RBM26: variants seen among roughly 807,000 people sequenced by gnomAD.
The protein encoded by RBM26 is RNA binding motif protein 26, also known as RNA-binding protein 26.
Under a neutral mutation model 123.6 loss-of-function variants are expected in RBM26, and 30 were observed. That is an observed-to-expected ratio of 0.24 (90% CI 0.18 to 0.33). The LOEUF (loss-of-function observed/expected upper bound fraction) is 0.33. Among genes scored for constraint, RBM26 ranks in the 10% least tolerant of loss-of-function variants. The probability of loss-of-function intolerance (pLI) is 1.00; values close to 1 mark genes in which losing one functional copy is unlikely to be tolerated. For missense variants in RBM26, 947 were observed against 1,203.6 expected (o/e 0.79, Z 3.15); for synonymous variants, 400 against 404.4 (o/e 0.99, Z 0.13).
rs144631579 is a variant in RBM26 at position 79,371,716 on chromosome 13, T to G, written c.416+126A>C. The stretch of plus-strand genomic sequence containing the variant: ...TTCATGGTAGAAACGGACCTAGTTA[T>G]ATTTTCCTAGACCAATAAAAGAGTA... On this transcript the variant is annotated intron_variant, in intron 4 of 21. Coordinates refer to ENST00000438737, the MANE Select transcript of RBM26 (RefSeq NM_001366735.2). 3 of 659,586 alleles carry G rather than the reference T, an allele frequency of 4.5e-6. No individual in the cohort carries two copies. In the East Asian group the frequency reaches 8.1e-5, roughly 18 times the overall value. The allele number at this position is 659,586 out of a possible 1,614,324, so 40.9% of individuals were successfully genotyped here.
downstream of RBM26, among the ~76,000 whole-genome samples, chr13:79,316,306 TAAG>T (rs1275694777): frequency 4.6e-5 from 7 of 151,330 alleles, no homozygotes; most frequent in African/African-American, 2.4e-5. Flanking sequence ...ACATTGTGTG[TAAG>T]GAGGGAAAAG....
At chr13:79,375,103 T>TC (rs2076556470) in intron 3 of RBM26, among the ~76,000 whole-genome samples, 2 of 132,240 alleles carry the variant, frequency 1.5e-5, no homozygotes, top group East Asian at 2.1e-4. Flanking sequence ...TATTTATATA[T>TC]ATCATATAAA....
At chr13:79,378,935 A>G (rs370817998) in intron 1 of RBM26, 28 bp from the exon 2 acceptor site, 2 of 1,386,904 alleles carry the variant, frequency 1.4e-6, no homozygotes, top group Non-Finnish European at 2.0e-6. Context: ...TGTTGAAGAA[A>G]ATTTAGCCAA....
At position 79,372,794 on chromosome 13, in the gene RBM26, T is replaced by TTATATATAATTATATGATATATATTATA. The variant is rs10635224; in HGVS notation, c.328-865_328-864insTATAATATATATCATATAATTATATATA. ...ATTATATATAATTATATGATATATA[T>TTATATATAATTATATGATATATATTATA]TATAATTATATGATATATATTTATA... On this transcript the variant is annotated intron_variant, in intron 3 of 21. Coordinates refer to ENST00000438737, the MANE Select transcript of RBM26 (RefSeq NM_001366735.2). Among the ~76,000 whole-genome samples the TTATATATAATTATATGATATATATTATA allele has an allele frequency of 5.4e-4, 35 of 64,952 alleles. 3 individuals carry two copies. Among genetic ancestry groups the TTATATATAATTATATGATATATATTATA allele is most frequent in the Admixed American group, 1.0e-3 (5 of 4,866 alleles). The allele number at this position is 64,952 out of a possible 152,430, so 42.6% of individuals were successfully genotyped here.
intron 3 of RBM26, among the ~76,000 whole-genome samples, chr13:79,373,707 A>AT (rs1227864780): frequency 1.2e-4 from 4 of 32,220 alleles, no homozygotes; most frequent in African/African-American, 3.0e-4. Flanking sequence ...TATTTTATAT[A>AT]TATATATTAC....
Position 79,374,016 on chromosome 13 carries a change from CG to C in RBM26, c.328-2087del, listed in dbSNP as rs935902326. Among the ~76,000 whole-genome samples, 5 of 151,874 alleles carry C rather than the reference CG, an allele frequency of 3.3e-5. No homozygotes were observed. The South Asian group carries it at 1.0e-3, about 32-fold the overall frequency. On this transcript the variant is annotated intron_variant, in intron 3 of 21. Transcript: ENST00000438737. The stretch of plus-strand genomic sequence containing the variant: ...GAGGTTGAACAAATTCAGGAAATAT[CG>C]TGCAAGTGGCTTCTATAAATAAGAT...
At chr13:79,370,906 G>T in intron 5 of RBM26, 39 bp downstream of exon 5, 1 of 1,568,030 alleles carries the variant, frequency 6.4e-7, no homozygotes, top group Non-Finnish European at 8.7e-7. Context: ...TTTAAACATG[G>T]AGTTTTTCAT....
In RBM26 at chr13:79,368,929, A is replaced by G. The variant is rs758490056; in HGVS notation, c.696T>C (p.Tyr232=). ...LDRTDPLENN[Y]TPVSSVPSIS... Reference sequence around the variant, plus strand: ...TACTAGGTACCGAAGAGACTGGAGTATAATTATTTTCTAATGGATCTGTTC... The same window carrying G: ...TACTAGGTACCGAAGAGACTGGAGTGTAATTATTTTCTAATGGATCTGTTC... Residue 232 remains tyrosine, a synonymous_variant, in exon 6 of 22, where the codon TAT becomes TAC. Coordinates refer to ENST00000438737, the MANE Select transcript of RBM26 (RefSeq NM_001366735.2). 8 of 1,610,860 alleles carry G rather than the reference A, an allele frequency of 5.0e-6. No individual in the cohort carries two copies. In the Admixed American group the frequency reaches 6.7e-5, roughly 13 times the overall value.
Position 79,344,326 on chromosome 13 carries a change from G to C in RBM26, c.2185-4C>G. 3 of 1,591,244 alleles carry C rather than the reference G, an allele frequency of 1.9e-6. No individual in the cohort carries two copies. Among genetic ancestry groups the C allele is most frequent in the South Asian group, 1.1e-5 (1 of 90,432 alleles). ...CCTGCTGAAGTTTCAATGCCTCCTA[G>C]AATCAGGGATCAAAAATATCATTAG... On this transcript the variant is annotated splice_polypyrimidine_tract_variant and splice_region_variant and intron_variant, in intron 15 of 21. Coordinates refer to ENST00000438737, the MANE Select transcript of RBM26 (RefSeq NM_001366735.2).
rs9574421 is a variant in RBM26, at chr13:79,406,205, C to T, written c.-431G>A. ...ATGGGAACGATTCAGGGGGTCTTCCCGGCTCCCAGCACCCCCAAGAAGATG... is the reference window on the plus strand; with the variant it reads ...ATGGGAACGATTCAGGGGGTCTTCCTGGCTCCCAGCACCCCCAAGAAGATG... On this transcript the variant is annotated 5_prime_UTR_variant, in exon 1 of 22. Coordinates refer to ENST00000438737, the MANE Select transcript of RBM26 (RefSeq NM_001366735.2). The T allele has an allele frequency of 0.077, 11,780 of 153,902 alleles. 714 individuals carry two copies. The highest frequency in any genetic ancestry group is 0.18 in the East Asian group (948 of 5,222). 9.5% of individuals were successfully genotyped at this position (153,902 alleles called of 1,614,324 possible).
intron 20 of RBM26, among the ~76,000 whole-genome samples, chr13:79,323,023 AAAAC>A (rs1169060752): frequency 2.6e-5 from 4 of 151,544 alleles, no homozygotes; most frequent in African/African-American, 9.7e-5. Flanking sequence ...TTATAAAACT[AAAAC>A]AAAATATAAG....
chr13:79,379,326 G>T (rs1429596634), intron 1 of RBM26, among the ~76,000 whole-genome samples: 2 of 142,620 alleles, frequency 1.4e-5, no homozygotes, highest in Non-Finnish European at 3.0e-5. Context: ...TTGAGCCCAG[G>T]AGTTCAAGAC....
chr13:79,366,901 T>C (rs749690762), intron 6 of RBM26, 29 bp from the exon 7 acceptor site: 3 of 1,519,948 alleles, frequency 2.0e-6, no homozygotes, highest in Non-Finnish European at 2.7e-6. Flanking sequence ...TAGAAACAAA[T>C]GTCAAAAGCA....
chr13:79,391,208 A>G lies in RBM26; in HGVS notation c.72-12301T>C, dbSNP rs558053518. Among the ~76,000 whole-genome samples the G allele has an allele frequency of 5.3e-4, 81 of 152,340 alleles. 1 individual carries two copies. The South Asian group carries it at 6.8e-3, about 13-fold the overall frequency. On this transcript the variant is annotated intron_variant, in intron 1 of 21. Transcript: ENST00000438737. Reference sequence around the variant, plus strand: ...CGTGGTAAGTCACAGTATGATTTGTAGCACGCATATAGTCAATTAGAGTTC... The same window carrying G: ...CGTGGTAAGTCACAGTATGATTTGTGGCACGCATATAGTCAATTAGAGTTC...
At chr13:79,390,774 T>C (rs1408249331) in intron 1 of RBM26, among the ~76,000 whole-genome samples, 2 of 152,148 alleles carry the variant, frequency 1.3e-5, no homozygotes, top group Admixed American at 6.5e-5. Flanking sequence ...AACTTTTCTG[T>C]ATATTCAAAA....
rs566705324 is a variant in RBM26 at position 79,353,052 on chromosome 13, A to G, written c.2058+101T>C. 1.6e-5 allele frequency: 10 copies of G among 606,426 alleles called. No individual in the cohort carries two copies. The African/African-American group carries it at 1.7e-4, about 10-fold the overall frequency. 37.6% of individuals were successfully genotyped at this position (606,426 alleles called of 1,614,324 possible). A position where few individuals can be genotyped will look rare whatever the true frequency, so the allele number is the denominator to read the frequency against. ...GGTAGGAAAAGATACAGATACTATT[A>G]AGAAGCAAGAGTTTAGAACTATGAA... On this transcript the variant is annotated intron_variant, in intron 14 of 21. Coordinates refer to ENST00000438737, the MANE Select transcript of RBM26 (RefSeq NM_001366735.2).
intron 1 of RBM26, among the ~76,000 whole-genome samples, chr13:79,384,010 T>A (rs1344479313): frequency 6.6e-6 from 1 of 152,102 alleles, no homozygotes; most frequent in Non-Finnish European, 1.5e-5. Flanking sequence ...CTACTTGACC[T>A]TCTTGACACA....
Position 79,406,026 on chromosome 13 carries a change from G to A in RBM26, c.-252C>T, listed in dbSNP as rs748621834. On this transcript the variant is annotated 5_prime_UTR_variant, in exon 1 of 22. Coordinates refer to ENST00000438737, the MANE Select transcript of RBM26 (RefSeq NM_001366735.2). Reference sequence around the variant, plus strand: ...GGGCTGAAACAGCAACGGTTTGCCCGGGCCCTCCCCCTTCCCTCTTCCCCA... The same window carrying A: ...GGGCTGAAACAGCAACGGTTTGCCCAGGCCCTCCCCCTTCCCTCTTCCCCA... The A allele has an allele frequency of 2.5e-4, 70 of 277,784 alleles. No individual in the cohort carries two copies. The highest frequency in any genetic ancestry group is 3.9e-5 in the Non-Finnish European group (6 of 155,350). The allele number at this position is 277,784 out of a possible 1,614,324, so 17.2% of individuals were successfully genotyped here. A position where few individuals can be genotyped will look rare whatever the true frequency, so the allele number is the denominator to read the frequency against.
intron 15 of RBM26, 71 bp downstream of exon 15, chr13:79,344,598 T>A (rs1166518202): frequency 7.2e-7 from 1 of 1,389,754 alleles, no homozygotes. Flanking sequence ...CAATAAGCAC[T>A]GAAAAAACAC....
Sources: gnomAD v4.1 joint callset for allele counts (sites outside exome capture counted in the v4.1 genomes callset) on GRCh38, gnomAD v4.1.1 for gene constraint, MANE v1.5 for transcripts, NCBI Gene and HGNC (gene_info 2026-07-23, HGNC 2026-07-21) for gene names.